The following AOAH variants were observed in gnomAD, a reference collection of about 807,000 sequenced individuals.
AOAH encodes the protein acyloxyacyl hydrolase.
In AOAH, 64 loss-of-function variants were observed where a neutral mutation model predicts 92.2. That is an observed-to-expected ratio of 0.69 (90% CI 0.57 to 0.86). The LOEUF (loss-of-function observed/expected upper bound fraction) is 0.86. Among genes scored for constraint, AOAH ranks in the 40% least tolerant of loss-of-function variants. AOAH has a pLI of 0.00. For missense variants in AOAH, 656 were observed against 694.6 expected (o/e 0.94, Z 0.62); for synonymous variants, 263 against 254.5 (o/e 1.03, Z -0.32).
At chr7:36,591,238 T>C (rs754210167) in intron 12 of AOAH, among the ~76,000 whole-genome samples, 4 of 152,066 alleles carry the variant, frequency 2.6e-5, no homozygotes, top group African/African-American at 7.2e-5. Context: ...CACAAACACA[T>C]AGAAAGAAAA....
intron 15 of AOAH, among the ~76,000 whole-genome samples, chr7:36,547,645 G>A (rs1785898530): frequency 6.6e-6 from 1 of 152,066 alleles, no homozygotes; most frequent in Non-Finnish European, 1.5e-5. Flanking sequence ...CTACTGGGGA[G>A]TTGCTCTAAA....
chr7:36,537,609 C>A (rs1035389412), intron 16 of AOAH, among the ~76,000 whole-genome samples: 3 of 151,690 alleles, frequency 2.0e-5, no homozygotes, highest in Non-Finnish European at 4.4e-5. Context: ...ACCTCCGCCT[C>A]CCGGGTTCAA....
chr7:36,654,488 G>A (rs1249458274), intron 4 of AOAH, among the ~76,000 whole-genome samples: 1 of 152,144 alleles, frequency 6.6e-6, no homozygotes, highest in Non-Finnish European at 1.5e-5. Flanking sequence ...ATGATGAATA[G>A]GGGTTCACTG....
intron 12 of AOAH, among the ~76,000 whole-genome samples, chr7:36,584,229 C>T (rs1036766317): frequency 2.0e-4 from 30 of 152,124 alleles, no homozygotes; most frequent in African/African-American, 4.6e-4. Context: ...TGACTTAACA[C>T]GTCTTTTAAG....
rs759698731 is a variant in AOAH at position 36,673,947 on chromosome 7, T to G, written c.286A>C (p.Lys96Gln). 6.2e-7 allele frequency: 1 copy of G among 1,608,066 alleles called. No homozygotes were observed. Among genetic ancestry groups the G allele is most frequent in the South Asian group, 1.1e-5 (1 of 90,540 alleles). The part of the protein sequence containing the change: ...VIDKFGSDII[K>Q]LLSADMNADV... Reference sequence around the variant, plus strand: ...TATGTGTCATGGCATACTCACAGTTTTATGATGTCTGATCCAAACTTGTCA... The same window carrying G: ...TATGTGTCATGGCATACTCACAGTTGTATGATGTCTGATCCAAACTTGTCA... Residue 96 changes from lysine to glutamine, a missense_variant, in exon 3 of 21, where the codon AAA becomes CAA. Coordinates refer to ENST00000617537, the MANE Select transcript of AOAH (RefSeq NM_001637.4).
chr7:36,720,908 TG>T (rs1799588315), intron 1 of AOAH, among the ~76,000 whole-genome samples: 1 of 152,168 alleles, frequency 6.6e-6, no homozygotes, highest in African/African-American at 2.4e-5. Context: ...GTCAGAAAGT[TG>T]TTAGGGTGTT....
chr7:36,641,088 T>C (rs887393949), intron 4 of AOAH, among the ~76,000 whole-genome samples: 2 of 152,134 alleles, frequency 1.3e-5, no homozygotes, highest in African/African-American at 4.8e-5. Flanking sequence ...CTAGAAAGTA[T>C]ACATCCTCCC....
chr7:36,537,976 G>T (rs12112147), intron 16 of AOAH, among the ~76,000 whole-genome samples: 1 of 149,014 alleles, frequency 6.7e-6, no homozygotes, highest in African/African-American at 2.5e-5. Context: ...TCCAAATTGC[G>T]TGGAGTCATG....
intron 12 of AOAH, among the ~76,000 whole-genome samples, chr7:36,586,662 A>C (rs577192322): frequency 6.6e-6 from 1 of 152,290 alleles, no homozygotes; most frequent in East Asian, 1.9e-4. Context: ...CACACTCTTA[A>C]AATTATTGAA....
In AOAH at chr7:36,724,240, C is replaced by T. The variant is rs533908019; in HGVS notation, c.-92G>A. 43 of 1,469,460 alleles carry T rather than the reference C, an allele frequency of 2.9e-5. No homozygotes were observed. In the South Asian group the frequency reaches 4.4e-4, roughly 15 times the overall value. 91.0% of individuals were successfully genotyped at this position (1,469,460 alleles called of 1,614,324 possible). A position where few individuals can be genotyped will look rare whatever the true frequency, so the allele number is the denominator to read the frequency against. On this transcript the variant is annotated 5_prime_UTR_variant, in exon 1 of 21. Coordinates refer to ENST00000617537, the MANE Select transcript of AOAH (RefSeq NM_001637.4). ...GAGGCTGCAGAATCAATTGATCTCT[C>T]TCTCCTTCTCTTCCTCACTCTCTTT...
rs1032333266 is a variant in AOAH at position 36,516,501 on chromosome 7, G to T, written c.1600-3121C>A. Among the ~76,000 whole-genome samples the T allele has an allele frequency of 6.1e-5, 9 of 148,310 alleles. No individual in the cohort carries two copies. On this transcript the variant is annotated intron_variant, in intron 20 of 20. Transcript: ENST00000617537. This position sits in a 1 kb window ranked among gnomAD's most constrained non-coding sequence, Gnocchi z 5.0. ...CACACACACACAGAAAGCGCACACA[G>T]CATTCACACCCCACATATACTTCTT...
At chr7:36,713,684 C>T (rs1402831910) in intron 1 of AOAH, among the ~76,000 whole-genome samples, 1 of 152,192 alleles carries the variant, frequency 6.6e-6, no homozygotes, top group East Asian at 1.9e-4. Flanking sequence ...TCACTCAAAA[C>T]TGCTCAAACA....
At chr7:36,565,206 CT>C (rs1480479411) in intron 13 of AOAH, among the ~76,000 whole-genome samples, 1 of 152,122 alleles carries the variant, frequency 6.6e-6, no homozygotes, top group Non-Finnish European at 1.5e-5. Context: ...TCTCTGTCAC[CT>C]CTGTCATCTG....
chr7:36,532,724 A>C (rs1340155949), intron 16 of AOAH, among the ~76,000 whole-genome samples: 1 of 152,172 alleles, frequency 6.6e-6, no homozygotes, highest in East Asian at 1.9e-4. Context: ...CCCTGGTATG[A>C]AATGCTCCCT....
intron 11 of AOAH, among the ~76,000 whole-genome samples, chr7:36,600,793 C>A (rs1338663818): frequency 1.3e-5 from 2 of 152,168 alleles, no homozygotes; most frequent in Non-Finnish European, 2.9e-5. Flanking sequence ...TTCCTGGTTG[C>A]CTGTTTAGGG....
intron 1 of AOAH, among the ~76,000 whole-genome samples, chr7:36,702,419 A>G (rs1798085133): frequency 6.6e-6 from 1 of 152,108 alleles, no homozygotes. Flanking sequence ...TTTCTGAATA[A>G]TGTTTTAACT....
intron 11 of AOAH, chr7:36,598,189 A>C (rs2115599634): frequency 6.6e-6 from 1 of 152,352 alleles, no homozygotes; most frequent in South Asian, 2.1e-4. Context: ...CCTTGCTGAT[A>C]TCTCAGAAAC....
rs889945103 is a variant in AOAH, at chr7:36,548,678, C to G, written c.1067G>C (p.Arg356Thr). ...GGCGGGATAGTCCAACACCTTGTTT[C>G]TAGACAAGCTGAGAAGGCATAGATG... is the stretch of plus-strand genomic sequence containing the variant. ...NLKKFIESLSRNKVLDYPAIV... is the reference protein window; with the variant it reads ...NLKKFIESLSTNKVLDYPAIV... The change falls in exon 15 of 21, where the codon AGA becomes ACA. Residue 356 changes from arginine (R) to threonine (T), a missense_variant. Coordinates refer to ENST00000617537, the MANE Select transcript of AOAH (RefSeq NM_001637.4). 2 of 1,613,338 alleles carry G rather than the reference C, an allele frequency of 1.2e-6. No homozygotes were observed. The highest frequency in any genetic ancestry group is 1.7e-6 in the Non-Finnish European group (2 of 1,179,438).
chr7:36,646,036 A>C (rs1266464810), intron 4 of AOAH, among the ~76,000 whole-genome samples: 1 of 152,170 alleles, frequency 6.6e-6, no homozygotes, highest in African/African-American at 2.4e-5. Flanking sequence ...CATTATTCCC[A>C]CCAACTCCTT....
Sources: allele counts gnomAD v4.1 joint callset (sites outside exome capture counted in the v4.1 genomes callset), GRCh38; gene constraint gnomAD v4.1.1; non-coding constraint Gnocchi (gnomAD v3.1); transcripts MANE v1.5; gene names NCBI Gene and HGNC (gene_info 2026-07-23, HGNC 2026-07-21).